DOC2A: variants seen among roughly 807,000 people sequenced by gnomAD.
DOC2A encodes double C2-like domain-containing protein alpha.
A neutral mutation model predicts 40.6 loss-of-function variants in DOC2A; 28 were observed. The ratio of observed to expected loss-of-function variants is 0.69; its 90% CI spans 0.51 to 0.95. The LOEUF (loss-of-function observed/expected upper bound fraction) is 0.95. DOC2A is among the 40% of genes least tolerant of loss of function. DOC2A has a pLI of 0.00. For synonymous variants in DOC2A, 241 were observed against 236.9 expected (o/e 1.02, Z -0.16); for missense variants, 474 against 552.5 (o/e 0.86, Z 1.42).
At chr16:30,015,415 A>T (rs1406723761), upstream of DOC2A, among the ~76,000 whole-genome samples, 1 of 152,186 alleles carries the variant, frequency 6.6e-6, no homozygotes, top group African/African-American at 2.4e-5. Context: ...TCTCGGGTTC[A>T]AGTGATTCTC....
Position 30,010,322 on chromosome 16 carries a change from C to T in DOC2A, c.-13-87G>A, listed in dbSNP as rs899431383. 2 of 1,546,952 alleles carry T rather than the reference C, an allele frequency of 1.3e-6. No individual in the cohort carries two copies. Among genetic ancestry groups the T allele is most frequent in the Non-Finnish European group, 1.8e-6 (2 of 1,132,448 alleles). On this transcript the variant is annotated intron_variant, in intron 1 of 10. Transcript: ENST00000350119. The surrounding 1 kb of genome is among the most constrained non-coding windows in gnomAD (Gnocchi z 4.2). ...GCGACGGCCTCCTCGGTCTGTGGGG[C>T]CCTCACTGGCCTCCCTTCCTAGGTG...
upstream of DOC2A, among the ~76,000 whole-genome samples, chr16:30,015,701 C>CTTT (rs71276819): frequency 2.2e-4 from 27 of 122,988 alleles, no homozygotes; most frequent in African/African-American, 2.4e-4. Context: ...CTTCCTTTTT[C>CTTT]TTTTTTTTTT....
intron 1 of DOC2A, among the ~76,000 whole-genome samples, chr16:30,019,659 G>C (rs2070891094): frequency 6.6e-6 from 1 of 152,218 alleles, no homozygotes; most frequent in Non-Finnish European, 1.5e-5. Context: ...CATAGGTTCT[G>C]TGTCCCTTCT....
Position 30,006,897 on chromosome 16 carries a change from G to A in DOC2A, c.766C>T (p.Leu256=). The change falls in exon 8 of 11, where the codon CTG becomes TTG. Residue 256 remains leucine (L), a synonymous_variant. Coordinates refer to ENST00000350119, the MANE Select transcript of DOC2A (RefSeq NM_003586.3). This position sits in a 1 kb window ranked among gnomAD's most constrained non-coding sequence, Gnocchi z 6.2. Reference sequence around the variant, plus strand: ...CGCGAGCTGTAGCTGAGACTCAGCAGGATGCGGCCACGCTCCTCCAGCAGC... The same window carrying A: ...CGCGAGCTGTAGCTGAGACTCAGCAAGATGCGGCCACGCTCCTCCAGCAGC... ...QGLLEERGRI[L]LSLSYSSRRR... 6.2e-7 allele frequency: 1 copy of A among 1,613,334 alleles called. No individual in the cohort carries two copies. The highest frequency in any genetic ancestry group is 1.1e-5 in the South Asian group (1 of 91,040).
chr16:30,015,751 A>C (rs2070848110), upstream of DOC2A, among the ~76,000 whole-genome samples: 1 of 126,296 alleles, frequency 7.9e-6, no homozygotes, highest in Non-Finnish European at 1.6e-5. Context: ...CCTAGGCTGG[A>C]GTGCAGTGGC....
chr16:30,005,956 T>TG lies in DOC2A; in HGVS notation c.*229dup, dbSNP rs1346688741. ...GAGCACTGCCCGGGTGTGCAGATGA[T>TG]GGGGGGTTTGCATATTTGCAGGGAC... On this transcript the variant is annotated 3_prime_UTR_variant, in exon 11 of 11. Transcript: ENST00000350119. The TG allele has an allele frequency of 1.7e-6, 1 of 589,922 alleles. No homozygotes were observed. Among genetic ancestry groups the TG allele is most frequent in the East Asian group, 2.9e-5 (1 of 34,162 alleles). 36.5% of individuals were successfully genotyped at this position (589,922 alleles called of 1,614,324 possible).
rs202062683 is a variant in DOC2A at position 30,006,215 on chromosome 16, G to C, written c.1174C>G (p.Pro392Ala). Residue 392 changes from proline to alanine, a missense_variant, in exon 11 of 11, where the codon CCT (proline) becomes GCT (alanine). Transcript: ENST00000350119. This position sits in a 1 kb window ranked among gnomAD's most constrained non-coding sequence, Gnocchi z 6.2. ...RWHTLTSELP[P>A]AAGALSSA is the part of the protein sequence containing the mutation. Reference sequence around the variant, plus strand: ...GCTGAGGACAGAGCCCCGGCCGCAGGGGGCAGCTCACTGGTCAGGGTGTGC... The same window carrying C: ...GCTGAGGACAGAGCCCCGGCCGCAGCGGGCAGCTCACTGGTCAGGGTGTGC... 9.5e-3 allele frequency: 15,148 copies of C among 1,588,566 alleles called. 110 individuals carry two copies. The highest frequency in any genetic ancestry group is 0.012 in the Non-Finnish European group (14,044 of 1,168,894).
At position 30,010,412 on chromosome 16, in the gene DOC2A, A is replaced by G. The variant is rs556330671; in HGVS notation, c.-13-177T>C. 17 of 807,148 alleles carry G rather than the reference A, an allele frequency of 2.1e-5. No individual in the cohort carries two copies. The East Asian group carries it at 3.5e-4, about 17-fold the overall frequency. The allele number at this position is 807,148 out of a possible 1,614,324, so 50.0% of individuals were successfully genotyped here. ...GGAGGCCTGGGCCCTGCAGACCCCA[A>G]GCTGACTCCACAGGGGCTGGGCTGC... On this transcript the variant is annotated intron_variant, in intron 1 of 10. Transcript: ENST00000350119. The surrounding 1 kb of genome is among the most constrained non-coding windows in gnomAD (Gnocchi z 4.2).
chr16:30,005,959 G>A lies in DOC2A; in HGVS notation c.*227C>T, dbSNP rs1260236941. 3 of 605,304 alleles carry A rather than the reference G, an allele frequency of 5.0e-6. No individual in the cohort carries two copies. The highest frequency in any genetic ancestry group is 3.0e-5 in the Admixed American group (1 of 32,914). The allele number at this position is 605,304 out of a possible 1,614,324, so 37.5% of individuals were successfully genotyped here. On this transcript the variant is annotated 3_prime_UTR_variant, in exon 11 of 11. Transcript: ENST00000350119. ...CACTGCCCGGGTGTGCAGATGATGG[G>A]GGGTTTGCATATTTGCAGGGACTAG... is the stretch of plus-strand genomic sequence containing the variant.
rs772387600 is a variant in DOC2A, at chr16:30,010,052, G to A, written c.171C>T (p.Val57=). 2.4e-5 allele frequency: 39 copies of A among 1,611,658 alleles called. No homozygotes were observed. The highest frequency in any genetic ancestry group is 1.3e-4 in the East Asian group (6 of 44,864). Residue 57 remains valine, a synonymous_variant, in exon 2 of 11, where the codon GTC becomes GTT. Coordinates refer to ENST00000350119, the MANE Select transcript of DOC2A (RefSeq NM_003586.3). This position sits in a 1 kb window ranked among gnomAD's most constrained non-coding sequence, Gnocchi z 4.2. ...GGGGEAPAHL[V]PLALAPPAAL... is the part of the protein sequence containing the mutation. ...CTGCAGGGGGGGCCAGAGCCAGGGGGACCAGATGGGCGGGGGCCTCCCCGC... is the reference window on the plus strand; with the variant it reads ...CTGCAGGGGGGGCCAGAGCCAGGGGAACCAGATGGGCGGGGGCCTCCCCGC...
chr16:30,021,961 C>A (rs2070916449), upstream of DOC2A, among the ~76,000 whole-genome samples: 1 of 151,934 alleles, frequency 6.6e-6, no homozygotes, highest in Non-Finnish European at 1.5e-5. Context: ...AGAGTACCTG[C>A]CTCTGGGCTG....
Position 30,006,324 on chromosome 16 carries a change from C to T in DOC2A, c.1065G>A (p.Val355=), listed in dbSNP as rs1339436303. 1 of 1,611,910 alleles carries T rather than the reference C, an allele frequency of 6.2e-7. No individual in the cohort carries two copies. Among genetic ancestry groups the T allele is most frequent in the Non-Finnish European group, 8.5e-7 (1 of 1,179,652 alleles). Residue 355 remains valine (V), a synonymous_variant, in exon 11 of 11, where the codon GTG becomes GTA. Coordinates refer to ENST00000350119, the MANE Select transcript of DOC2A (RefSeq NM_003586.3). The surrounding 1 kb of genome is among the most constrained non-coding windows in gnomAD (Gnocchi z 6.2). ...CGCCTCGGGCACCTGGCCCCAGGGACACGCCACCTGGGGAGCAGGTGGGCA... is the reference window on the plus strand; with the variant it reads ...CGCCTCGGGCACCTGGCCCCAGGGATACGCCACCTGGGGAGCAGGTGGGCA... ...IGKSNDFIGG[V]SLGPGARGEA... is the part of the protein sequence containing the mutation.
chr16:30,013,158 C>CAAAAAA (rs1171077200), upstream of DOC2A, among the ~76,000 whole-genome samples: 5 of 39,184 alleles, frequency 1.3e-4, 1 homozygote, highest in Non-Finnish European at 1.8e-4. Context: ...CCTGTCTCTA[C>CAAAAAA]AAAAAAAAAA....
At chr16:30,011,119 G>A (rs868314506), upstream of DOC2A, 11 of 561,406 alleles carry the variant, frequency 2.0e-5, no homozygotes, top group South Asian at 7.4e-4. Flanking sequence ...GAGGGGGCGG[G>A]ATCTCGGACT....
At chr16:30,015,678 C>T (rs1345919244), upstream of DOC2A, among the ~76,000 whole-genome samples, 1 of 147,950 alleles carries the variant, frequency 6.8e-6, no homozygotes, top group African/African-American at 2.5e-5. Flanking sequence ...TTCCTTTCTT[C>T]CTTCCTTCTT....
At chr16:30,016,510 GAC>G (rs1190637201), upstream of DOC2A, among the ~76,000 whole-genome samples, 1 of 152,168 alleles carries the variant, frequency 6.6e-6, no homozygotes, top group East Asian at 1.9e-4. Context: ...AGGGGAGGGG[GAC>G]ACTCTGGTCA....
rs183654095 is a variant in DOC2A, at chr16:30,005,519, C to T, written c.*667G>A. ...CCAGCACACACGAGTCCAGCTTCCT[C>T]GGAGGTGTTTATTGATGCCCAGCTG... On this transcript the variant is annotated 3_prime_UTR_variant, in exon 11 of 11. Coordinates refer to ENST00000350119, the MANE Select transcript of DOC2A (RefSeq NM_003586.3). 1.2e-4 allele frequency: 161 copies of T among 1,378,734 alleles called. 1 individual carries two copies. The highest frequency in any genetic ancestry group is 1.1e-3 in the African/African-American group (74 of 69,056). 85.4% of individuals were successfully genotyped at this position (1,378,734 alleles called of 1,614,324 possible).
In DOC2A at chr16:30,005,552, C is replaced by T; in HGVS notation, c.*634G>A. ...TTTATTGATGCCCAGCTGCCATGCTCCGGCCACTGACACAACCAGAAAAGG... is the reference window on the plus strand; with the variant it reads ...TTTATTGATGCCCAGCTGCCATGCTTCGGCCACTGACACAACCAGAAAAGG... On this transcript the variant is annotated 3_prime_UTR_variant, in exon 11 of 11. Coordinates refer to ENST00000350119, the MANE Select transcript of DOC2A (RefSeq NM_003586.3). 1.9e-6 allele frequency: 2 copies of T among 1,056,276 alleles called. No homozygotes were observed. Among genetic ancestry groups the T allele is most frequent in the Non-Finnish European group, 2.8e-6 (2 of 715,774 alleles). The allele number at this position is 1,056,276 out of a possible 1,614,324, so 65.4% of individuals were successfully genotyped here. A position where few individuals can be genotyped will look rare whatever the true frequency, so the allele number is the denominator to read the frequency against.
Position 30,009,898 on chromosome 16 carries a change from C to T in DOC2A, c.262+63G>A, listed in dbSNP as rs2070727060. ...GCCAGCAGGGCCCATCCCCCTCTCC[C>T]CCCACCACGGCAAGCCTGGAGACCC... On this transcript the variant is annotated intron_variant, in intron 2 of 10. Transcript: ENST00000350119. This position sits in a 1 kb window ranked among gnomAD's most constrained non-coding sequence, Gnocchi z 4.1. 6.2e-7 allele frequency: 1 copy of T among 1,603,458 alleles called. No homozygotes were observed. The highest frequency in any genetic ancestry group is 1.1e-5 in the South Asian group (1 of 90,728).
Sources: allele counts gnomAD v4.1 joint callset (sites outside exome capture counted in the v4.1 genomes callset), GRCh38; gene constraint gnomAD v4.1.1; non-coding constraint Gnocchi (gnomAD v3.1); transcripts MANE v1.5; gene names NCBI Gene and HGNC (gene_info 2026-07-23, HGNC 2026-07-21).